Variants in PDCD7 observed in about 807,000 individuals in gnomAD.
PDCD7 encodes programmed cell death 7, also known as programmed cell death protein 7.
A neutral mutation model predicts 42.1 loss-of-function variants in PDCD7; 40 were observed. The observed-to-expected ratio is 0.95, with a 90% CI of 0.74 to 1.24. The LOEUF is 1.24. Among genes scored for constraint, PDCD7 ranks in the 50% most tolerant of loss-of-function variants. The pLI, the probability that PDCD7 is intolerant of heterozygous loss-of-function variation, is 0.00. For missense variants in PDCD7, 644 were observed against 662.8 expected, an observed-to-expected ratio of 0.97 and a Z score of 0.31; for synonymous variants, 299 against 303.3, an observed-to-expected ratio of 0.99 and a Z score of 0.15.
chr15:65,133,563 G>A lies in PDCD7; in HGVS notation c.219C>T (p.Gly73=). ...GGTAGAAGGCGCCAGCGCCGCCTCCGCCGCGGGAGGCCTCCGCGGAGGCTC... is the reference window on the plus strand; with the variant it reads ...GGTAGAAGGCGCCAGCGCCGCCTCCACCGCGGGAGGCCTCCGCGGAGGCTC... The part of the protein sequence containing the change: ...QPRASAEASR[G]GGGAGAFYPV... Residue 73 remains glycine, a synonymous_variant, in exon 1 of 5, where the codon GGC becomes GGT. Coordinates refer to ENST00000204549, the MANE Select transcript of PDCD7 (RefSeq NM_005707.2). 8.1e-7 allele frequency: 1 copy of A among 1,230,356 alleles called. No homozygotes were observed. Among genetic ancestry groups the A allele is most frequent in the Non-Finnish European group, 1.0e-6 (1 of 986,864 alleles). The allele number at this position is 1,230,356 out of a possible 1,614,324, so 76.2% of individuals were successfully genotyped here. A position where few individuals can be genotyped will look rare whatever the true frequency, so the allele number is the denominator to read the frequency against.
Position 65,133,028 on chromosome 15 carries a change from T to C in PDCD7, c.754A>G (p.Arg252Gly). The change falls in exon 1 of 5, where the codon AGG becomes GGG. Residue 252 changes from arginine (R) to glycine (G), a missense_variant. By Grantham distance (125) the Arg-to-Gly change is moderately radical. Transcript: ENST00000204549. ...CGCTCGGCCTCGCGTTCCCGGGCCC[T>C]CTCGCGAAGCCGCAGCCGGCGGCGC... The part of the protein sequence containing the change: ...VRRRRLRLRE[R>G]AREREAEREA... The C allele has an allele frequency of 6.3e-7, 1 of 1,598,356 alleles. No individual in the cohort carries two copies. The highest frequency in any genetic ancestry group is 8.5e-7 in the Non-Finnish European group (1 of 1,177,694).
At position 65,133,415 on chromosome 15, in the gene PDCD7, G is replaced by T; in HGVS notation, c.367C>A (p.Pro123Thr). The change falls in exon 1 of 5, where the codon CCT becomes ACT. Residue 123 changes from proline to threonine, a missense_variant. Pro to Thr is a conservative substitution (Grantham distance 38). Transcript: ENST00000204549. ...GPGPPWSPRW[P>T]EAPPPPADVL... ...TCGGCCGGCGGCGGCGGCGCCTCAG[G>T]CCACCGCGGGCTCCAGGGCGGCCCC... is the stretch of plus-strand genomic sequence containing the variant. 2.5e-6 allele frequency: 3 copies of T among 1,182,106 alleles called. No individual in the cohort carries two copies. Among genetic ancestry groups the T allele is most frequent in the Non-Finnish European group, 3.1e-6 (3 of 956,752 alleles). 73.2% of individuals were successfully genotyped at this position (1,182,106 alleles called of 1,614,324 possible).
At position 65,133,064 on chromosome 15, in the gene PDCD7, C is replaced by G; in HGVS notation, c.718G>C (p.Glu240Gln). Residue 240 changes from glutamate to glutamine, a missense_variant, in exon 1 of 5, where the codon GAG becomes CAG. Glu to Gln is a conservative substitution (Grantham distance 29). Transcript: ENST00000204549. ...CGCAGCCGGCGGCGCCGGACCCTCTCCAGCCTCCTCCGCGCCTCGCCCACA... is the reference window on the plus strand; with the variant it reads ...CGCAGCCGGCGGCGCCGGACCCTCTGCAGCCTCCTCCGCGCCTCGCCCACA... ...AYVGEARRRL[E>Q]RVRRRRLRLR... The G allele has an allele frequency of 1.9e-6, 3 of 1,581,466 alleles. No individual in the cohort carries two copies. The African/African-American group carries it at 4.0e-5, about 21-fold the overall frequency.
At chr15:65,131,460 C>T (rs887955527) in intron 1 of PDCD7, among the ~76,000 whole-genome samples, 3 of 152,070 alleles carry the variant, frequency 2.0e-5, no homozygotes, top group Non-Finnish European at 4.4e-5. Flanking sequence ...ATGAAAATGC[C>T]TTAGACGGCC....
At chr15:65,124,251 A>T (rs2087478659) in intron 2 of PDCD7, among the ~76,000 whole-genome samples, 1 of 151,864 alleles carries the variant, frequency 6.6e-6, no homozygotes, top group Non-Finnish European at 1.5e-5. Context: ...GTGAAACCCC[A>T]TCTCTACTAA....
rs929439742 is a variant in PDCD7 at position 65,117,770 on chromosome 15, C to T, written c.*947G>A. ...CAGGATGGCCTTGATCTCCTGACCT[C>T]GTGATCGGCCCGCCTCGGCCTCCCA... is the stretch of plus-strand genomic sequence containing the variant. On this transcript the variant is annotated 3_prime_UTR_variant, in exon 5 of 5. Coordinates refer to ENST00000204549, the MANE Select transcript of PDCD7 (RefSeq NM_005707.2). The T allele has an allele frequency of 3.9e-5, 6 of 152,188 alleles. No homozygotes were observed. The highest frequency in any genetic ancestry group is 6.6e-5 in the Admixed American group (1 of 15,264). 9.4% of individuals were successfully genotyped at this position (152,188 alleles called of 1,614,324 possible). A position where few individuals can be genotyped will look rare whatever the true frequency, so the allele number is the denominator to read the frequency against.
chr15:65,130,053 A>G (rs1278110569), intron 1 of PDCD7, among the ~76,000 whole-genome samples: 1 of 148,896 alleles, frequency 6.7e-6, no homozygotes, highest in Admixed American at 6.8e-5. Flanking sequence ...CATGTTGCCC[A>G]GGCTGGTCTG....
intron 1 of PDCD7, among the ~76,000 whole-genome samples, chr15:65,129,545 G>A (rs569202831): frequency 3.6e-4 from 55 of 152,278 alleles, no homozygotes; most frequent in Admixed American, 2.8e-3. Context: ...TTCCCAGGAA[G>A]GATAAGGAAT....
intron 1 of PDCD7, among the ~76,000 whole-genome samples, chr15:65,130,154 CTTTTTTT>C (rs886281618): frequency 5.8e-5 from 6 of 103,660 alleles, no homozygotes; most frequent in African/African-American, 1.5e-4. Flanking sequence ...CCCCAACCCT[CTTTTTTT>C]TTTTTTTTTT....
Position 65,133,060 on chromosome 15 carries a change from C to A in PDCD7, c.722G>T (p.Arg241Met). ...YVGEARRRLERVRRRRLRLRE... is the reference protein window; with the variant it reads ...YVGEARRRLEMVRRRRLRLRE... ...AAGCCGCAGCCGGCGGCGCCGGACCCTCTCCAGCCTCCTCCGCGCCTCGCC... is the reference window on the plus strand; with the variant it reads ...AAGCCGCAGCCGGCGGCGCCGGACCATCTCCAGCCTCCTCCGCGCCTCGCC... Residue 241 changes from arginine to methionine, a missense_variant, in exon 1 of 5, where the codon AGG (arginine) becomes ATG (methionine). Arg to Met is a moderately conservative substitution (Grantham distance 91, BLOSUM62 -1). Transcript: ENST00000204549. The A allele has an allele frequency of 6.3e-7, 1 of 1,584,696 alleles. No homozygotes were observed. Among genetic ancestry groups the A allele is most frequent in the South Asian group, 1.1e-5 (1 of 89,304 alleles).
chr15:65,119,484 A>T (rs1309792303), intron 3 of PDCD7, 21 bp from the exon 4 acceptor site: 1 of 1,541,720 alleles, frequency 6.5e-7, no homozygotes. Context: ...AAAGCACAAT[A>T]CCACGTTATC....
rs1391586371 is a variant in PDCD7 at position 65,117,401 on chromosome 15, T to C, written c.*1316A>G. ...AACTAAAAAATAAAAATGATTTTTA[T>C]TTAGTTTTTTGGAAATATAACAAAA... On this transcript the variant is annotated 3_prime_UTR_variant, in exon 5 of 5. Coordinates refer to ENST00000204549, the MANE Select transcript of PDCD7 (RefSeq NM_005707.2). The C allele has an allele frequency of 6.6e-6, 1 of 152,264 alleles. No homozygotes were observed. The highest frequency in any genetic ancestry group is 2.4e-5 in the African/African-American group (1 of 41,444). The allele number at this position is 152,264 out of a possible 1,614,324, so 9.4% of individuals were successfully genotyped here. A position where few individuals can be genotyped will look rare whatever the true frequency, so the allele number is the denominator to read the frequency against.
At chr15:65,124,919 A>AT (rs1234151040) in intron 2 of PDCD7, among the ~76,000 whole-genome samples, 1 of 152,162 alleles carries the variant, frequency 6.6e-6, no homozygotes, top group Non-Finnish European at 1.5e-5. Flanking sequence ...TTGCCAATAT[A>AT]TGTCAGCTGG....
chr15:65,132,287 A>AT (rs775081541), intron 1 of PDCD7, among the ~76,000 whole-genome samples: 1,994 of 139,938 alleles, frequency 0.014, 30 homozygotes, highest in African/African-American at 0.031. Flanking sequence ...CAAGTTCTCT[A>AT]TTTTTTTTTT....
chr15:65,127,090 T>A (rs2087502354), intron 2 of PDCD7, among the ~76,000 whole-genome samples: 1 of 152,022 alleles, frequency 6.6e-6, no homozygotes, highest in Admixed American at 6.6e-5. Flanking sequence ...TCTCTGCCCT[T>A]CTCTCTCTCT....
rs2087561887 is a variant in PDCD7, at chr15:65,133,561, C to G, written c.221G>C (p.Gly74Ala). The change falls in exon 1 of 5, where the codon GGA (glycine) becomes GCA (alanine). Residue 74 changes from glycine (G) to alanine (A), a missense_variant. Transcript: ENST00000204549. ...CGGGTAGAAGGCGCCAGCGCCGCCT[C>G]CGCCGCGGGAGGCCTCCGCGGAGGC... The part of the protein sequence containing the change: ...PRASAEASRG[G>A]GGAGAFYPVP... 31 of 1,230,188 alleles carry G rather than the reference C, an allele frequency of 2.5e-5. No homozygotes were observed. Among genetic ancestry groups the G allele is most frequent in the South Asian group, 4.1e-5 (1 of 24,416 alleles). The allele number at this position is 1,230,188 out of a possible 1,614,324, so 76.2% of individuals were successfully genotyped here.
chr15:65,119,987 A>G, intron 2 of PDCD7, 33 bp from the exon 3 acceptor site: 2 of 1,252,132 alleles, frequency 1.6e-6, no homozygotes, highest in Non-Finnish European at 2.2e-6. Flanking sequence ...CATTTTATTT[A>G]TTTTTTTTTT....
intron 2 of PDCD7, among the ~76,000 whole-genome samples, chr15:65,126,615 G>A (rs1161312308): frequency 1.3e-5 from 2 of 151,898 alleles, no homozygotes; most frequent in African/African-American, 4.9e-5. Context: ...TTAGCCAGGT[G>A]TGGTGGTGTG....
chr15:65,129,072 C>G lies in PDCD7; in HGVS notation c.969G>C (p.Glu323Asp). 3 of 1,614,126 alleles carry G rather than the reference C, an allele frequency of 1.9e-6. No homozygotes were observed. The South Asian group carries it at 3.3e-5, about 18-fold the overall frequency. ...CCTCTTTCCTCAGTTTCCTCAATTT[C>G]TCCAAAGCCCGTAGAATGTCCACCA... ...KRMVDILRAL[E>D]KLRKLRKEAA... Residue 323 changes from glutamate to aspartate, a missense_variant, in exon 2 of 5, where the codon GAG (glutamate) becomes GAC (aspartate). Coordinates refer to ENST00000204549, the MANE Select transcript of PDCD7 (RefSeq NM_005707.2).
Sources: gnomAD v4.1 joint callset for allele counts (sites outside exome capture counted in the v4.1 genomes callset) on GRCh38, gnomAD v4.1.1 for gene constraint, MANE v1.5 for transcripts, NCBI Gene and HGNC (gene_info 2026-07-23, HGNC 2026-07-21) for gene names.